Variants in CNTLN observed in about 807,000 individuals in gnomAD.
CNTLN encodes centlein, centrosomal protein.
Under a neutral mutation model 180.0 loss-of-function variants are expected in CNTLN, and 212 were observed. The ratio of observed to expected loss-of-function variants is 1.18; its 90% CI spans 1.05 to 1.32. CNTLN has a LOEUF of 1.32. Among genes scored for constraint, CNTLN ranks in the 40% most tolerant of loss-of-function variants. CNTLN has a pLI of 0.00. For missense variants in CNTLN, 2,095 were observed against 1,610.9 expected, an observed-to-expected ratio of 1.30 and a Z score of -5.14; for synonymous variants, 722 against 563.1, an observed-to-expected ratio of 1.28 and a Z score of -3.99.
intron 18 of CNTLN, among the ~76,000 whole-genome samples, chr9:17,429,044 A>G (rs532451690): frequency 6.6e-6 from 1 of 152,156 alleles, no homozygotes; most frequent in African/African-American, 2.4e-5. Context: ...TAGAAATATC[A>G]TCAGATATTA....
intron 25 of CNTLN, among the ~76,000 whole-genome samples, chr9:17,495,527 C>T (rs921790248): frequency 4.6e-5 from 7 of 152,080 alleles, no homozygotes; most frequent in African/African-American, 1.7e-4. Flanking sequence ...TTTTATACAG[C>T]TGTACAGTAT....
At chr9:17,321,654 TA>T (rs1401816093) in intron 8 of CNTLN, among the ~76,000 whole-genome samples, 1 of 152,200 alleles carries the variant, frequency 6.6e-6, no homozygotes, top group African/African-American at 2.4e-5. Flanking sequence ...TATTTGGCAT[TA>T]ACTAAAGTAC....
intron 12 of CNTLN, among the ~76,000 whole-genome samples, chr9:17,352,072 C>G (rs895190732): frequency 6.6e-6 from 1 of 151,952 alleles, no homozygotes; most frequent in African/African-American, 2.4e-5. Flanking sequence ...ATTCATAATA[C>G]AAAAACTTTT....
chr9:17,504,456 G>T (rs1833894991), downstream of CNTLN, among the ~76,000 whole-genome samples: 1 of 152,148 alleles, frequency 6.6e-6, no homozygotes, highest in South Asian at 2.1e-4. Context: ...TACAAAAAAA[G>T]AAAATATGGT....
rs1384389931 is a variant in CNTLN, at chr9:17,359,744, A to ACAAAAAAAAAAAAAAAAAAAAAAG, written c.1887-6873_1887-6872insCAAAAAAAAAAAAAAAAAAAAAAG. Among the ~76,000 whole-genome samples, 11 of 50,240 alleles carry ACAAAAAAAAAAAAAAAAAAAAAAG rather than the reference A, an allele frequency of 2.2e-4. 1 individual carries two copies. The highest frequency in any genetic ancestry group is 5.8e-4 in the African/African-American group (11 of 18,838). 33.0% of individuals were successfully genotyped at this position (50,240 alleles called of 152,430 possible). On this transcript the variant is annotated intron_variant, in intron 12 of 25. Transcript: ENST00000380647. ...AAAATACAAAAAAAAAAAAAAAAAA[A>ACAAAAAAAAAAAAAAAAAAAAAAG]AAAAAACTAGCTGGGTGTAGTGGCG... is the stretch of plus-strand genomic sequence containing the variant.
chr9:17,415,586 G>A lies in CNTLN; in HGVS notation c.2797-202G>A, dbSNP rs554797316. ...AAAAATATTTTTTTCAATTTTTTTT[G>A]TAAGAGGCAGTCTTGCTCTGTTGCC... On this transcript the variant is annotated intron_variant, in intron 16 of 25. Coordinates refer to ENST00000380647, the MANE Select transcript of CNTLN (RefSeq NM_017738.4). 1.2e-4 allele frequency among the ~76,000 whole-genome samples: 18 copies of A among 151,542 alleles called. No homozygotes were observed. The South Asian group carries it at 2.9e-3, about 25-fold the overall frequency.
intron 15 of CNTLN, among the ~76,000 whole-genome samples, chr9:17,397,714 G>A (rs953440428): frequency 1.1e-4 from 17 of 152,194 alleles, no homozygotes; most frequent in African/African-American, 4.1e-4. Context: ...AGATGGAGTT[G>A]CTCTGTTTCA....
At chr9:17,439,770 C>T (rs765654666) in intron 18 of CNTLN, among the ~76,000 whole-genome samples, 11 of 152,074 alleles carry the variant, frequency 7.2e-5, no homozygotes, top group Admixed American at 2.0e-4. Flanking sequence ...TTCATGAGGG[C>T]GGGGCCCCCA....
intron 23 of CNTLN, among the ~76,000 whole-genome samples, chr9:17,467,153 T>G (rs1174370626): frequency 6.6e-6 from 1 of 151,602 alleles, no homozygotes; most frequent in African/African-American, 2.4e-5. Context: ...TCAAGTCATC[T>G]GGACAGGTTT....
chr9:17,471,651 G>A (rs1297935084), intron 23 of CNTLN, among the ~76,000 whole-genome samples: 1 of 152,036 alleles, frequency 6.6e-6, no homozygotes, highest in Non-Finnish European at 1.5e-5. Context: ...CCACTGATAT[G>A]TGTAGAGTGA....
In CNTLN at chr9:17,147,750, A is replaced by G. The variant is rs564027447; in HGVS notation, c.449+4374A>G. ...CATTTTTAGGGTTATAGTATATTCTATTATTTAGATATAGCATATTTGTAT... is the reference window on the plus strand; with the variant it reads ...CATTTTTAGGGTTATAGTATATTCTGTTATTTAGATATAGCATATTTGTAT... On this transcript the variant is annotated intron_variant, in intron 2 of 25. Coordinates refer to ENST00000380647, the MANE Select transcript of CNTLN (RefSeq NM_017738.4). 1.4e-4 allele frequency among the ~76,000 whole-genome samples: 21 copies of G among 152,282 alleles called. No individual in the cohort carries two copies. The East Asian group carries it at 2.9e-3, about 21-fold the overall frequency.
chr9:17,301,873 CTT>C, intron 7 of CNTLN: 1 of 955,956 alleles, frequency 1.0e-6, no homozygotes, highest in Non-Finnish European at 1.2e-6. Flanking sequence ...AAAAATGCAT[CTT>C]AACATATTTG....
At chr9:17,506,418 CTG>C (rs1178712424), downstream of CNTLN, among the ~76,000 whole-genome samples, 1 of 152,146 alleles carries the variant, frequency 6.6e-6, no homozygotes, top group Admixed American at 6.5e-5. Context: ...AGGCAGTCCT[CTG>C]TGAGTAACAT....
chr9:17,406,728 A>G (rs1217663355), intron 15 of CNTLN, among the ~76,000 whole-genome samples: 1 of 151,822 alleles, frequency 6.6e-6, no homozygotes, highest in Non-Finnish European at 1.5e-5. Context: ...GAATTTGTTC[A>G]TCAATTCTTT....
chr9:17,302,255 GGCAC>G (rs1353012739), intron 7 of CNTLN, among the ~76,000 whole-genome samples: 1 of 150,766 alleles, frequency 6.6e-6, no homozygotes, highest in Non-Finnish European at 1.5e-5. Context: ...GGAGTGCAGT[GGCAC>G]GATCTCGACT....
At chr9:17,284,997 CTTAA>C (rs1563956588) in intron 6 of CNTLN, among the ~76,000 whole-genome samples, 4 of 139,094 alleles carry the variant, frequency 2.9e-5, no homozygotes, top group African/African-American at 6.1e-5. Context: ...TGATTTCTGC[CTTAA>C]TTTTTTTTTT....
intron 5 of CNTLN, among the ~76,000 whole-genome samples, chr9:17,260,559 A>T (rs1826884745): frequency 6.6e-6 from 1 of 151,132 alleles, no homozygotes; most frequent in Non-Finnish European, 1.5e-5. Context: ...TCTGGATGTT[A>T]AACCTGGATG....
chr9:17,211,409 G>A (rs970457274), intron 2 of CNTLN, among the ~76,000 whole-genome samples: 2,023 of 152,122 alleles, frequency 0.013, 46 homozygotes, highest in African/African-American at 0.047. Flanking sequence ...CGTTCCATTG[G>A]TGATATCTCT....
chr9:17,295,197 C>T (rs1271194729), intron 6 of CNTLN, among the ~76,000 whole-genome samples: 2 of 152,050 alleles, frequency 1.3e-5, no homozygotes, highest in South Asian at 2.1e-4. Flanking sequence ...CCCCAGTTCC[C>T]GCCCACGCCT....
Sources: allele counts gnomAD v4.1 joint callset (sites outside exome capture counted in the v4.1 genomes callset), GRCh38; gene constraint gnomAD v4.1.1; transcripts MANE v1.5; gene names NCBI Gene and HGNC (gene_info 2026-07-23, HGNC 2026-07-21).